The following ST3GAL3 variants were observed in gnomAD, a reference collection of about 807,000 sequenced individuals.
The protein encoded by ST3GAL3 is ST3 beta-galactoside alpha-2,3-sialyltransferase 3.
A neutral mutation model predicts 50.1 loss-of-function variants in ST3GAL3; 21 were observed. The ratio of observed to expected loss-of-function variants is 0.42; its 90% CI spans 0.30 to 0.60. The LOEUF is 0.60. Ranked by LOEUF, ST3GAL3 falls within the 20% of genes least tolerant of loss-of-function variation. ST3GAL3 has a pLI of 0.19. For missense variants in ST3GAL3, 353 were observed against 489.4 expected (o/e 0.72, Z 2.63); for synonymous variants, 183 against 190.0 (o/e 0.96, Z 0.30).
At chr1:43,772,041 T>C (rs1174712277) in intron 2 of ST3GAL3, 8 of 398,864 alleles carry the variant, frequency 2.0e-5, no homozygotes, top group Non-Finnish European at 3.1e-5. Flanking sequence ...TTTTTTTTTT[T>C]TTTTTTAGAT....
chr1:43,726,460 A>C (rs1407719381), intron 1 of ST3GAL3, among the ~76,000 whole-genome samples: 1 of 151,776 alleles, frequency 6.6e-6, no homozygotes, highest in Non-Finnish European at 1.5e-5. Flanking sequence ...CTAATCTTAA[A>C]ATTTTTTCTA....
intron 1 of ST3GAL3, among the ~76,000 whole-genome samples, chr1:43,726,631 C>T (rs959631019): frequency 1.3e-5 from 2 of 150,656 alleles, no homozygotes; most frequent in African/African-American, 4.9e-5. Context: ...GTCTTGTTTT[C>T]TTGTTCAGGC....
intron 5 of ST3GAL3, chr1:43,850,631 C>A: frequency 1.3e-6 from 1 of 759,588 alleles, no homozygotes. Context: ...CCTTCTCAGC[C>A]CTTCTGCCAT....
intron 2 of ST3GAL3, among the ~76,000 whole-genome samples, chr1:43,754,562 C>T (rs1351723237): frequency 2.0e-5 from 3 of 152,096 alleles, no homozygotes; most frequent in Non-Finnish European, 2.9e-5. Flanking sequence ...CATACAGGCT[C>T]GTTGGATGAA....
intron 5 of ST3GAL3, among the ~76,000 whole-genome samples, chr1:43,878,745 A>C (rs1026266202): frequency 6.6e-6 from 1 of 152,216 alleles, no homozygotes; most frequent in African/African-American, 2.4e-5. Context: ...TTGATCTTTG[A>C]TAGAAGAATG....
Position 43,869,679 on chromosome 1 carries a change from G to C in ST3GAL3, c.303-24704G>C, listed in dbSNP as rs570838077. Among the ~76,000 whole-genome samples the C allele has an allele frequency of 1.7e-4, 26 of 152,290 alleles. No homozygotes were observed. The South Asian group carries it at 5.2e-3, about 30-fold the overall frequency. ...CCCTTCCCACTCAGCACGTATGATGGAATGTGTGGGTCCAAACCAAGCGTG... is the reference window on the plus strand; with the variant it reads ...CCCTTCCCACTCAGCACGTATGATGCAATGTGTGGGTCCAAACCAAGCGTG... On this transcript the variant is annotated intron_variant, in intron 5 of 11. Coordinates refer to ENST00000347631, the MANE Select transcript of ST3GAL3 (RefSeq NM_006279.5).
Position 43,845,808 on chromosome 1 carries a change from C to T in ST3GAL3, c.302+7497C>T, listed in dbSNP as rs894761914. Among the ~76,000 whole-genome samples the T allele has an allele frequency of 2.5e-4, 38 of 152,174 alleles. 1 individual carries two copies. The highest frequency in any genetic ancestry group is 8.7e-4 in the African/African-American group (36 of 41,538). The stretch of plus-strand genomic sequence containing the variant: ...TTCACTCTATATATTGCATTGACTA[C>T]ATCTTACAAATTTTGATATGTTGTA... On this transcript the variant is annotated intron_variant, in intron 5 of 11. Coordinates refer to ENST00000347631, the MANE Select transcript of ST3GAL3 (RefSeq NM_006279.5).
intron 2 of ST3GAL3, among the ~76,000 whole-genome samples, chr1:43,751,259 C>T (rs1174073046): frequency 6.6e-6 from 1 of 152,096 alleles, no homozygotes; most frequent in African/African-American, 2.4e-5. Context: ...TTATAATGCC[C>T]TGTACATGCA....
At position 43,930,393 on chromosome 1, in the gene ST3GAL3, C is replaced by T. The variant is rs2084864412; in HGVS notation, c.*172C>T. ...CTGCTCAGCAGCCAGTCTCAGAGAC[C>T]AGCACTCAGCCTCATTCAGCATGGG... On this transcript the variant is annotated 3_prime_UTR_variant, in exon 12 of 12. Transcript: ENST00000347631. 1 of 692,164 alleles carries T rather than the reference C, an allele frequency of 1.4e-6. No homozygotes were observed. The highest frequency in any genetic ancestry group is 2.6e-6 in the Non-Finnish European group (1 of 384,590). 42.9% of individuals were successfully genotyped at this position (692,164 alleles called of 1,614,324 possible). A position where few individuals can be genotyped will look rare whatever the true frequency, so the allele number is the denominator to read the frequency against.
intron 9 of ST3GAL3, among the ~76,000 whole-genome samples, chr1:43,901,090 CTT>C (rs1359110464): frequency 6.6e-6 from 1 of 152,240 alleles, no homozygotes; most frequent in South Asian, 2.1e-4. Context: ...GAGTCCCTCT[CTT>C]TGCCTTGAGG....
chr1:43,827,412 T>C (rs150718354), intron 4 of ST3GAL3, among the ~76,000 whole-genome samples: 1 of 152,302 alleles, frequency 6.6e-6, no homozygotes, highest in African/African-American at 2.4e-5. Context: ...GATCCATATA[T>C]GAATGAGGAA....
chr1:43,827,030 C>T (rs1164682959), intron 4 of ST3GAL3, among the ~76,000 whole-genome samples: 3 of 152,040 alleles, frequency 2.0e-5, no homozygotes, highest in Non-Finnish European at 2.9e-5. Flanking sequence ...GAGATAAAAC[C>T]AAGGATGTCC....
chr1:43,792,684 A>G (rs946662302), intron 3 of ST3GAL3, among the ~76,000 whole-genome samples: 1 of 151,960 alleles, frequency 6.6e-6, no homozygotes, highest in Non-Finnish European at 1.5e-5. Flanking sequence ...AGGTGGACAC[A>G]CTCCTTCTCT....
At chr1:43,740,090 A>G (rs1680178801) in intron 2 of ST3GAL3, among the ~76,000 whole-genome samples, 1 of 152,118 alleles carries the variant, frequency 6.6e-6, no homozygotes, top group African/African-American at 2.4e-5. Context: ...TTGGCCGGAC[A>G]CAGTGGCTCA....
intron 9 of ST3GAL3, among the ~76,000 whole-genome samples, chr1:43,907,832 C>G (rs146204560): frequency 1.3e-5 from 2 of 152,166 alleles, no homozygotes; most frequent in African/African-American, 4.8e-5. Flanking sequence ...AAAGCCCTCT[C>G]TTTAGCTTAT....
At chr1:43,858,985 G>A (rs1389301691) in intron 5 of ST3GAL3, among the ~76,000 whole-genome samples, 3 of 152,192 alleles carry the variant, frequency 2.0e-5, no homozygotes, top group African/African-American at 4.8e-5. Context: ...GGGAAGCCAC[G>A]GCCCTACTCA....
chr1:43,763,084 C>T (rs560103887), intron 2 of ST3GAL3, among the ~76,000 whole-genome samples: 10 of 152,276 alleles, frequency 6.6e-5, no homozygotes, highest in East Asian at 5.8e-4. Context: ...GGTTACCCAT[C>T]GCAGCACTTT....
intron 5 of ST3GAL3, among the ~76,000 whole-genome samples, chr1:43,860,889 CT>C (rs2069744954): frequency 6.6e-6 from 1 of 152,214 alleles, no homozygotes; most frequent in African/African-American, 2.4e-5. Context: ...AAGTAGAAAG[CT>C]TTTGAGCTGA....
chr1:43,755,076 G>A (rs61768408), intron 2 of ST3GAL3, among the ~76,000 whole-genome samples: 27,750 of 152,064 alleles, frequency 0.18, 3,290 homozygotes, highest in Non-Finnish European at 0.26. Context: ...TGACATCATA[G>A]ACATGGTTAA....
Sources: gnomAD v4.1 joint callset for allele counts (sites outside exome capture counted in the v4.1 genomes callset) on GRCh38, gnomAD v4.1.1 for gene constraint, MANE v1.5 for transcripts, NCBI Gene and HGNC (gene_info 2026-07-23, HGNC 2026-07-21) for gene names.